GPC5: variants seen among roughly 807,000 people sequenced by gnomAD.
GPC5 encodes glypican-5.
GPC5 carries 47 observed loss-of-function variants against 53.9 expected under a neutral mutation model. That is an observed-to-expected ratio of 0.87 (90% CI 0.69 to 1.11). The LOEUF (loss-of-function observed/expected upper bound fraction) is 1.11, where lower values mean the gene tolerates loss of function less well. Ranked by LOEUF, GPC5 falls within the 50% of genes most tolerant of loss-of-function variation. The pLI, the probability that GPC5 is intolerant of heterozygous loss-of-function variation, is 0.00. For synonymous variants in GPC5, 286 were observed against 263.3 expected, an observed-to-expected ratio of 1.09 and a Z score of -0.84; for missense variants, 748 against 713.1, an observed-to-expected ratio of 1.05 and a Z score of -0.56.
intron 5 of GPC5, among the ~76,000 whole-genome samples, chr13:91,767,030 T>C (rs1018800421): frequency 6.6e-6 from 1 of 152,226 alleles, no homozygotes; most frequent in African/African-American, 2.4e-5. Context: ...AACTATTGTA[T>C]TGACATTTTC....
At chr13:91,729,811 AG>A (rs1287123448) in intron 4 of GPC5, among the ~76,000 whole-genome samples, 1 of 152,174 alleles carries the variant, frequency 6.6e-6, no homozygotes, top group Non-Finnish European at 1.5e-5. Context: ...AAGTCCTTCG[AG>A]GTGTTGTATT....
intron 7 of GPC5, among the ~76,000 whole-genome samples, chr13:92,577,878 C>T (rs538576570): frequency 1.3e-5 from 2 of 152,112 alleles, no homozygotes; most frequent in Admixed American, 6.5e-5. Context: ...AAAAAATAGG[C>T]AATAAAGAAG....
intron 7 of GPC5, among the ~76,000 whole-genome samples, chr13:92,460,106 G>A (rs937520830): frequency 2.0e-5 from 3 of 151,792 alleles, no homozygotes; most frequent in Non-Finnish European, 2.9e-5. Flanking sequence ...TCTTAATCTG[G>A]ATTTTCACAC....
At chr13:92,445,481 A>G (rs1177639939) in intron 7 of GPC5, among the ~76,000 whole-genome samples, 2 of 87,626 alleles carry the variant, frequency 2.3e-5, no homozygotes, top group Non-Finnish European at 4.2e-5. Flanking sequence ...CCACCCCACA[A>G]CAGTCCCCAG....
chr13:92,673,865 A>G (rs371327925), intron 7 of GPC5, among the ~76,000 whole-genome samples: 12 of 152,184 alleles, frequency 7.9e-5, no homozygotes, highest in East Asian at 7.7e-4. Flanking sequence ...TTTTCAAATC[A>G]AGGCTAGCTA....
At chr13:91,637,083 T>C (rs545185583) in intron 2 of GPC5, among the ~76,000 whole-genome samples, 1 of 152,354 alleles carries the variant, frequency 6.6e-6, no homozygotes, top group South Asian at 2.1e-4. Flanking sequence ...TTTGACCTTT[T>C]ACTATAAGTT....
chr13:92,453,247 G>A (rs188978816), intron 7 of GPC5, among the ~76,000 whole-genome samples: 20 of 152,262 alleles, frequency 1.3e-4, no homozygotes, highest in Admixed American at 8.5e-4. Flanking sequence ...CATTGAAAGC[G>A]AGTTCCATTG....
At chr13:92,225,145 G>A (rs1455047150) in intron 7 of GPC5, among the ~76,000 whole-genome samples, 1 of 152,124 alleles carries the variant, frequency 6.6e-6, no homozygotes, top group Non-Finnish European at 1.5e-5. Flanking sequence ...TGCTCAAGAT[G>A]ATCCCTGATT....
chr13:92,556,757 C>A (rs1419027569), intron 7 of GPC5, among the ~76,000 whole-genome samples: 1 of 151,664 alleles, frequency 6.6e-6, no homozygotes, highest in Non-Finnish European at 1.5e-5. Flanking sequence ...TTGTACTAAC[C>A]TTTTGTTGTA....
At chr13:92,660,535 C>T (rs1886302312) in intron 7 of GPC5, among the ~76,000 whole-genome samples, 2 of 151,556 alleles carry the variant, frequency 1.3e-5, no homozygotes, top group Admixed American at 1.3e-4. Context: ...ATGCATAATA[C>T]TAATATAAAA....
At position 91,728,531 on chromosome 13, in the gene GPC5, G is replaced by T. The variant is rs764169602; in HGVS notation, c.1021-1G>T. The T allele has an allele frequency of 1.2e-6, 2 of 1,608,924 alleles. No individual in the cohort carries two copies. Among genetic ancestry groups the T allele is most frequent in the Non-Finnish European group, 1.7e-6 (2 of 1,177,446 alleles). The stretch of plus-strand genomic sequence containing the variant: ...ACCTTTTAATGTTTTCTATTTAAAA[G>T]GTAAATAGGATTTGTGGCCGCCCTG... On this transcript the variant is annotated splice_acceptor_variant, in intron 3 of 7. Transcript: ENST00000377067. LOFTEE classifies it high-confidence loss of function.
At chr13:91,854,686 C>T (rs2038948543) in intron 5 of GPC5, among the ~76,000 whole-genome samples, 1 of 151,792 alleles carries the variant, frequency 6.6e-6, no homozygotes, top group Non-Finnish European at 1.5e-5. Flanking sequence ...CATCCAATCA[C>T]ACTAGAAATT....
At position 91,830,480 on chromosome 13, in the gene GPC5, C is replaced by T. The variant is rs551479136; in HGVS notation, c.1280+74060C>T. Among the ~76,000 whole-genome samples the T allele has an allele frequency of 3.9e-4, 59 of 151,942 alleles. No individual in the cohort carries two copies. The Middle Eastern group carries it at 0.01, about 26-fold the overall frequency. On this transcript the variant is annotated intron_variant, in intron 5 of 7. Coordinates refer to ENST00000377067, the MANE Select transcript of GPC5 (RefSeq NM_004466.6). ...TTAGGAGATTAAAGTAAAGACAGGC[C>T]TAGGAAATCACAAGGGTATTGATTG...
intron 2 of GPC5, among the ~76,000 whole-genome samples, chr13:91,656,801 G>T (rs1445639225): frequency 6.6e-6 from 1 of 152,096 alleles, no homozygotes; most frequent in Admixed American, 6.6e-5. Flanking sequence ...TATACCAATT[G>T]TGTTTGTCCA....
At chr13:92,336,342 T>C (rs1402591527) in intron 7 of GPC5, among the ~76,000 whole-genome samples, 1 of 152,202 alleles carries the variant, frequency 6.6e-6, no homozygotes, top group East Asian at 1.9e-4. Context: ...TTACAGTGAA[T>C]TAAATATATT....
At chr13:92,749,911 A>G (rs904349160) in intron 7 of GPC5, among the ~76,000 whole-genome samples, 48 of 152,192 alleles carry the variant, frequency 3.2e-4, no homozygotes, top group Non-Finnish European at 4.4e-5. Context: ...GCACACTAAA[A>G]TCAATGGGAA....
chr13:92,264,152 A>T (rs1373009059), intron 7 of GPC5, among the ~76,000 whole-genome samples: 1 of 152,166 alleles, frequency 6.6e-6, no homozygotes, highest in Non-Finnish European at 1.5e-5. Flanking sequence ...TAAAAGTACT[A>T]TCAACCCTAT....
At chr13:92,079,717 G>A (rs555644422) in intron 6 of GPC5, among the ~76,000 whole-genome samples, 2 of 152,234 alleles carry the variant, frequency 1.3e-5, no homozygotes, top group South Asian at 2.1e-4. Flanking sequence ...AGGTTAGACC[G>A]CAGTGTATAA....
At chr13:91,528,838 G>A (rs1029714448) in intron 2 of GPC5, among the ~76,000 whole-genome samples, 13 of 152,270 alleles carry the variant, frequency 8.5e-5, no homozygotes, top group East Asian at 3.9e-4. Context: ...GGCAGCAGAG[G>A]AGAAAGAGAG....
Sources: allele counts gnomAD v4.1 joint callset (sites outside exome capture counted in the v4.1 genomes callset), GRCh38; gene constraint gnomAD v4.1.1; transcripts MANE v1.5; gene names NCBI Gene and HGNC (gene_info 2026-07-23, HGNC 2026-07-21).